Variants in NFAT5 observed in about 807,000 individuals in gnomAD.
NFAT5 encodes the protein nuclear factor of activated T-cells 5.
A neutral mutation model predicts 166.5 loss-of-function variants in NFAT5; 31 were observed. The observed-to-expected ratio is 0.19, with a 90% CI of 0.14 to 0.25. The LOEUF (loss-of-function observed/expected upper bound fraction) is 0.25, where lower values mean the gene tolerates loss of function less well. NFAT5 is among the 10% of genes least tolerant of loss of function. NFAT5 has a pLI of 1.00. For synonymous variants in NFAT5, 612 were observed against 639.7 expected, an observed-to-expected ratio of 0.96 and a Z score of 0.65; for missense variants, 1,449 against 1,821.8, an observed-to-expected ratio of 0.80 and a Z score of 3.72.
chr16:69,668,485 G>A (rs559958734), intron 7 of NFAT5, among the ~76,000 whole-genome samples: 6 of 152,196 alleles, frequency 3.9e-5, no homozygotes, highest in Admixed American at 2.6e-4. Context: ...GTACCCAAGT[G>A]TAAACACAGA....
At chr16:69,632,967 A>G (rs888543705) in intron 3 of NFAT5, among the ~76,000 whole-genome samples, 3 of 152,208 alleles carry the variant, frequency 2.0e-5, no homozygotes, top group Admixed American at 6.5e-5. Context: ...CTGAAATTAC[A>G]TAGTAAATTT....
At chr16:69,644,249 C>T (rs2035339151) in intron 3 of NFAT5, among the ~76,000 whole-genome samples, 1 of 151,014 alleles carries the variant, frequency 6.6e-6, no homozygotes, top group African/African-American at 2.4e-5. Flanking sequence ...CGTGCCACTG[C>T]ACTGTAGCCT....
intron 2 of NFAT5, 46 bp downstream of exon 2, chr16:69,568,594 G>A (rs763336220): frequency 6.7e-7 from 1 of 1,486,786 alleles, no homozygotes; most frequent in Non-Finnish European, 9.3e-7. Flanking sequence ...GTATGCAAAG[G>A]CTTTCTCTGA....
intron 11 of NFAT5, among the ~76,000 whole-genome samples, chr16:69,689,924 A>G (rs1284456821): frequency 1.3e-5 from 2 of 152,214 alleles, no homozygotes; most frequent in African/African-American, 2.4e-5. Flanking sequence ...GTGCCATTTT[A>G]AAAGCTTCTT....
intron 4 of NFAT5, among the ~76,000 whole-genome samples, chr16:69,652,670 C>T (rs2035721740): frequency 6.6e-6 from 1 of 152,076 alleles, no homozygotes; most frequent in African/African-American, 2.4e-5. Context: ...GAGAAGGATA[C>T]TCAAAAGAAT....
At chr16:69,658,082 C>G (rs1006369343) in intron 6 of NFAT5, among the ~76,000 whole-genome samples, 45 of 123,498 alleles carry the variant, frequency 3.6e-4, no homozygotes, top group Non-Finnish European at 5.9e-4. Context: ...AGACTTGTCT[C>G]AAAAAAAAAA....
At position 69,684,903 on chromosome 16, in the gene NFAT5, G is replaced by C; in HGVS notation, c.1707G>C (p.Leu569Phe). 6.2e-7 allele frequency: 1 copy of C among 1,605,264 alleles called. No homozygotes were observed. The highest frequency in any genetic ancestry group is 1.1e-5 in the South Asian group (1 of 89,456). ...YTPDPAAAGA[L>F]NVNVKKEISS... The stretch of plus-strand genomic sequence containing the variant: ...TTTTAATAGCAGCAGCTGGTGCTTT[G>C]AATGTAAATGTGAAGAAGGAAATAT... Residue 569 changes from leucine to phenylalanine, a missense_variant, in exon 11 of 15, where the codon TTG (leucine) becomes TTC (phenylalanine). By Grantham distance (22) the Leu-to-Phe change is conservative (BLOSUM62 0). Coordinates refer to ENST00000349945, the MANE Select transcript of NFAT5 (RefSeq NM_138713.4).
chr16:69,648,080 G>T (rs906193136), intron 4 of NFAT5: 1 of 263,468 alleles, frequency 3.8e-6, no homozygotes, highest in African/African-American at 2.3e-5. Flanking sequence ...GAGAACTGAG[G>T]CAGGGGAATC....
chr16:69,684,738 AGAG>A (rs2037217378), intron 10 of NFAT5, 146 bp from the exon 11 acceptor site: 2 of 567,566 alleles, frequency 3.5e-6, no homozygotes, highest in Non-Finnish European at 6.1e-6. Context: ...TGGAGAATTT[AGAG>A]GATAGAAATT....
chr16:69,620,405 C>G lies in NFAT5; in HGVS notation c.128-5998C>G, dbSNP rs944280434. On this transcript the variant is annotated intron_variant, in intron 2 of 14. Coordinates refer to ENST00000349945, the MANE Select transcript of NFAT5 (RefSeq NM_138713.4). ...GGTGAGTTGATTACACATTATCGCACAAATTATTAGCAGCATTAATAGAAA... is the reference window on the plus strand; with the variant it reads ...GGTGAGTTGATTACACATTATCGCAGAAATTATTAGCAGCATTAATAGAAA... Among the ~76,000 whole-genome samples, 15 of 152,198 alleles carry G rather than the reference C, an allele frequency of 9.9e-5. 2 individuals are homozygous for G. Among genetic ancestry groups the G allele is most frequent in the East Asian group, 3.9e-4 (2 of 5,180 alleles).
chr16:69,692,554 C>G lies in NFAT5; in HGVS notation c.2729C>G (p.Ser910Cys). 1 of 1,614,148 alleles carries G rather than the reference C, an allele frequency of 6.2e-7. No individual in the cohort carries two copies. The highest frequency in any genetic ancestry group is 8.5e-7 in the Non-Finnish European group (1 of 1,180,026). Residue 910 changes from serine (S) to cysteine (C), a missense_variant, in exon 13 of 15, where the codon TCT becomes TGT. Physicochemically the swap from Ser to Cys is moderately radical, Grantham distance 112 (BLOSUM62 -1). Coordinates refer to ENST00000349945, the MANE Select transcript of NFAT5 (RefSeq NM_138713.4). ...CAGCAGCAACAGCAAGTGATGGAAT[C>G]TTCAGCCGCAATGGTGATGGAGATG... The part of the protein sequence containing the change: ...QQQQQQQVME[S>C]SAAMVMEMQQ...
intron 11 of NFAT5, among the ~76,000 whole-genome samples, chr16:69,686,543 G>T (rs2151706707): frequency 6.6e-6 from 1 of 152,046 alleles, no homozygotes. Context: ...GCAGAAATTT[G>T]GTTGGTTTAT....
chr16:69,634,013 C>T (rs546968016), intron 3 of NFAT5, among the ~76,000 whole-genome samples: 1 of 150,190 alleles, frequency 6.7e-6, no homozygotes, highest in Admixed American at 6.6e-5. Context: ...CATAGTGGCT[C>T]ATGTTTGTAA....
chr16:69,587,100 TG>T (rs1258787017), intron 2 of NFAT5, among the ~76,000 whole-genome samples: 3 of 152,200 alleles, frequency 2.0e-5, no homozygotes, highest in Non-Finnish European at 4.4e-5. Flanking sequence ...TCTTTTTTTT[TG>T]AGACAAAGTC....
intron 7 of NFAT5, among the ~76,000 whole-genome samples, chr16:69,661,464 GC>G (rs2036134997): frequency 7.2e-6 from 1 of 138,400 alleles, no homozygotes; most frequent in African/African-American, 2.7e-5. Context: ...GATCACTTGA[GC>G]CCAGGAGTTT....
intron 3 of NFAT5, 142 bp downstream of exon 3, chr16:69,626,670 C>A (rs1357922078): frequency 3.3e-6 from 2 of 599,684 alleles, no homozygotes; most frequent in Non-Finnish European, 5.0e-6. Flanking sequence ...TACTTTTAAC[C>A]TTAAACTTTT....
At chr16:69,638,787 C>T (rs2035081406) in intron 3 of NFAT5, among the ~76,000 whole-genome samples, 2 of 150,240 alleles carry the variant, frequency 1.3e-5, no homozygotes, top group Non-Finnish European at 3.0e-5. Context: ...GGCAGGAATG[C>T]CTTTATTTTT....
chr16:69,580,239 A>G (rs2031581054), intron 2 of NFAT5, among the ~76,000 whole-genome samples: 1 of 152,062 alleles, frequency 6.6e-6, no homozygotes, highest in South Asian at 2.1e-4. Context: ...ACATATTAAA[A>G]GTTTAGGGCT....
chr16:69,662,337 G>C (rs1416571449), intron 7 of NFAT5, among the ~76,000 whole-genome samples: 3 of 152,028 alleles, frequency 2.0e-5, no homozygotes, highest in Non-Finnish European at 4.4e-5. Flanking sequence ...ATGCTCCCTG[G>C]AAGGATATGA....
Sources: gnomAD v4.1 joint callset for allele counts (sites outside exome capture counted in the v4.1 genomes callset) on GRCh38, gnomAD v4.1.1 for gene constraint, MANE v1.5 for transcripts, NCBI Gene and HGNC (gene_info 2026-07-23, HGNC 2026-07-21) for gene names.